The following TMEM132C variants were observed in gnomAD, a reference collection of about 807,000 sequenced individuals.
The protein encoded by TMEM132C is protein phosphatase 1, regulatory subunit 152.
Under a neutral mutation model 61.4 loss-of-function variants are expected in TMEM132C, and 29 were observed. The ratio of observed to expected loss-of-function variants is 0.47; its 90% CI spans 0.35 to 0.64. TMEM132C has a LOEUF of 0.64. Ranked by LOEUF, TMEM132C falls within the 30% of genes least tolerant of loss-of-function variation. The pLI, the probability that TMEM132C is intolerant of heterozygous loss-of-function variation, is 0.00. For missense variants in TMEM132C, 1,408 were observed against 1,476.9 expected, an observed-to-expected ratio of 0.95 and a Z score of 0.76; for synonymous variants, 656 against 633.1, an observed-to-expected ratio of 1.04 and a Z score of -0.54.
intron 5 of TMEM132C, among the ~76,000 whole-genome samples, chr12:128,675,868 G>T (rs929858922): frequency 4.3e-5 from 6 of 140,756 alleles, no homozygotes; most frequent in African/African-American, 1.8e-4. Flanking sequence ...TAGATAGATA[G>T]ATAGATAGAT....
intron 1 of TMEM132C, among the ~76,000 whole-genome samples, chr12:128,357,345 C>T (rs1355842224): frequency 6.6e-6 from 1 of 152,142 alleles, no homozygotes; most frequent in Non-Finnish European, 1.5e-5. Context: ...CCCCCGGCTC[C>T]ATCATCCAAA....
At chr12:128,609,791 T>A (rs985876632) in intron 3 of TMEM132C, among the ~76,000 whole-genome samples, 1 of 152,176 alleles carries the variant, frequency 6.6e-6, no homozygotes, top group Non-Finnish European at 1.5e-5. Context: ...TCAGAGCTCC[T>A]TAGTCAGACC....
chr12:128,500,611 A>G (rs1272119539), intron 2 of TMEM132C, among the ~76,000 whole-genome samples: 3 of 152,168 alleles, frequency 2.0e-5, no homozygotes, highest in Non-Finnish European at 2.9e-5. Flanking sequence ...ATCATTAGTC[A>G]TTAGGGAAAT....
At chr12:128,353,397 C>T (rs879608369) in intron 1 of TMEM132C, among the ~76,000 whole-genome samples, 4 of 152,168 alleles carry the variant, frequency 2.6e-5, no homozygotes, top group Admixed American at 6.5e-5. Context: ...GCTAACGCTG[C>T]GATCTGAGAC....
At position 128,415,672 on chromosome 12, in the gene TMEM132C, T is replaced by G. The variant is rs1868757187; in HGVS notation, c.974+52T>G. ...ATCTTTGGCATGCCTGGTGTGAGAC[T>G]GGGTTCCATGCGTGGCAGATAGATA... On this transcript the variant is annotated intron_variant, in intron 2 of 8. Coordinates refer to ENST00000435159, the MANE Select transcript of TMEM132C (RefSeq NM_001136103.3). The surrounding 1 kb of genome is among the most constrained non-coding windows in gnomAD (Gnocchi z 5.8). 3 of 1,458,296 alleles carry G rather than the reference T, an allele frequency of 2.1e-6. No individual in the cohort carries two copies. The Admixed American group carries it at 7.4e-5, about 36-fold the overall frequency. The allele number at this position is 1,458,296 out of a possible 1,614,324, so 90.3% of individuals were successfully genotyped here. A position where few individuals can be genotyped will look rare whatever the true frequency, so the allele number is the denominator to read the frequency against.
intron 5 of TMEM132C, among the ~76,000 whole-genome samples, chr12:128,682,577 T>C (rs1954644498): frequency 6.6e-6 from 1 of 152,190 alleles, no homozygotes; most frequent in South Asian, 2.1e-4. Context: ...GCGTGGCCGT[T>C]AACACTCTCT....
intron 1 of TMEM132C, among the ~76,000 whole-genome samples, chr12:128,276,165 T>C (rs12304491): frequency 0.058 from 8,874 of 152,286 alleles, 799 homozygotes; most frequent in African/African-American, 0.19. Flanking sequence ...ACATTCGCTT[T>C]TGAGGCCATG....
At chr12:128,636,564 T>TTGTGTG (rs61201583) in intron 4 of TMEM132C, among the ~76,000 whole-genome samples, 212 of 142,346 alleles carry the variant, frequency 1.5e-3, no homozygotes, top group African/African-American at 5.3e-3. Context: ...GGGTTTTTGT[T>TTGTGTG]TGTGTGTGTG....
At chr12:128,692,895 T>G (rs1464290686) in intron 5 of TMEM132C, among the ~76,000 whole-genome samples, 1 of 152,196 alleles carries the variant, frequency 6.6e-6, no homozygotes, top group Non-Finnish European at 1.5e-5. Context: ...GTCTCATCCC[T>G]TTCCTGAGAC....
At chr12:128,460,985 T>C (rs569725119) in intron 2 of TMEM132C, among the ~76,000 whole-genome samples, 16 of 152,284 alleles carry the variant, frequency 1.1e-4, no homozygotes, top group Admixed American at 2.0e-4. Context: ...GGATGCGTGT[T>C]CATCAAAAGC....
Position 128,382,726 on chromosome 12 carries a change from A to G in TMEM132C, c.86-32006A>G, listed in dbSNP as rs560471306. Among the ~76,000 whole-genome samples the G allele has an allele frequency of 3.3e-5, 5 of 152,334 alleles. No homozygotes were observed. The South Asian group carries it at 1.0e-3, about 32-fold the overall frequency. On this transcript the variant is annotated intron_variant, in intron 1 of 8. Coordinates refer to ENST00000435159, the MANE Select transcript of TMEM132C (RefSeq NM_001136103.3). ...GGTATTCTTTTACATAAATAAATAC[A>G]TGTTTTAACCTTTCTCCTATTGACA...
At chr12:128,652,526 C>T (rs956358322) in intron 4 of TMEM132C, among the ~76,000 whole-genome samples, 2 of 152,202 alleles carry the variant, frequency 1.3e-5, no homozygotes, top group Non-Finnish European at 2.9e-5. Context: ...GTTTACAGCT[C>T]GGAACACAGA....
At chr12:128,658,613 G>A (rs139787093) in intron 4 of TMEM132C, among the ~76,000 whole-genome samples, 220 of 152,186 alleles carry the variant, frequency 1.4e-3, no homozygotes, top group African/African-American at 4.8e-3. Context: ...GGGGCCTCTT[G>A]CTATTCAAGT....
At chr12:128,595,572 G>T (rs942457649) in intron 3 of TMEM132C, among the ~76,000 whole-genome samples, 1 of 152,158 alleles carries the variant, frequency 6.6e-6, no homozygotes, top group African/African-American at 2.4e-5. Flanking sequence ...GGACCCATGC[G>T]GTGAAGAGGA....
At chr12:128,572,947 AAAC>A (rs375624072) in intron 3 of TMEM132C, among the ~76,000 whole-genome samples, 2,155 of 152,348 alleles carry the variant, frequency 0.014, 40 homozygotes, top group African/African-American at 0.049. Context: ...AAAAGTCAGG[AAAC>A]AACAGGTGCT....
chr12:128,488,343 A>C (rs1871575036), intron 2 of TMEM132C, among the ~76,000 whole-genome samples: 2 of 152,216 alleles, frequency 1.3e-5, no homozygotes, highest in African/African-American at 4.8e-5. Context: ...AACATTATGC[A>C]TATAATATTT....
At chr12:128,387,527 A>C (rs1365538019) in intron 1 of TMEM132C, among the ~76,000 whole-genome samples, 1 of 152,122 alleles carries the variant, frequency 6.6e-6, no homozygotes, top group Non-Finnish European at 1.5e-5. Context: ...AAAAACAAAA[A>C]TCAGCTGGGC....
chr12:128,397,328 A>G (rs76465798), intron 1 of TMEM132C, among the ~76,000 whole-genome samples: 3,897 of 152,264 alleles, frequency 0.026, 70 homozygotes, highest in South Asian at 0.056. Flanking sequence ...GTGTCTTCTA[A>G]CATGGTCCAT....
At position 128,706,500 on chromosome 12, in the gene TMEM132C, G is replaced by A. The variant is rs1445410845; in HGVS notation, c.*205G>A. 3 of 633,022 alleles carry A rather than the reference G, an allele frequency of 4.7e-6. No individual in the cohort carries two copies. Among genetic ancestry groups the A allele is most frequent in the Admixed American group, 7.2e-5 (2 of 27,630 alleles). The allele number at this position is 633,022 out of a possible 1,614,324, so 39.2% of individuals were successfully genotyped here. On this transcript the variant is annotated 3_prime_UTR_variant, in exon 9 of 9. Coordinates refer to ENST00000435159, the MANE Select transcript of TMEM132C (RefSeq NM_001136103.3). ...AATGGTGGTGGATTTTTAAAGGTCA[G>A]GGGAATAAAGTCTGGGGCATGGGGA...
Sources: allele counts gnomAD v4.1 joint callset (sites outside exome capture counted in the v4.1 genomes callset), GRCh38; gene constraint gnomAD v4.1.1; non-coding constraint Gnocchi (gnomAD v3.1); transcripts MANE v1.5; gene names NCBI Gene and HGNC (gene_info 2026-07-23, HGNC 2026-07-21).